Variants in CAPN13 observed in about 807,000 individuals in gnomAD.
CAPN13 encodes calpain-13.
In CAPN13, 90 loss-of-function variants were observed where a neutral mutation model predicts 98.4. The ratio of observed to expected loss-of-function variants is 0.92; its 90% CI spans 0.77 to 1.09. CAPN13 has a LOEUF of 1.09. CAPN13 is among the 50% of genes least tolerant of loss of function. The pLI, the probability that CAPN13 is intolerant of heterozygous loss-of-function variation, is 0.00. For synonymous variants in CAPN13, 330 were observed against 305.5 expected (o/e 1.08, Z -0.84); for missense variants, 887 against 841.3 (o/e 1.05, Z -0.67).
intron 2 of CAPN13, among the ~76,000 whole-genome samples, chr2:30,779,945 A>G (rs1323898673): frequency 6.6e-6 from 1 of 152,192 alleles, no homozygotes; most frequent in Non-Finnish European, 1.5e-5. Context: ...TTTGGCAAAT[A>G]TGGTAGAGAA....
intron 9 of CAPN13, 134 bp from the exon 10 acceptor site, chr2:30,753,332 A>C: frequency 1.1e-6 from 1 of 888,320 alleles, no homozygotes; most frequent in Non-Finnish European, 1.7e-6. Flanking sequence ...ACCATCAAGC[A>C]CCCTTCTATC....
chr2:30,743,869 G>C, intron 12 of CAPN13: 1 of 537,318 alleles, frequency 1.9e-6, no homozygotes, highest in Non-Finnish European at 3.5e-6. Flanking sequence ...TGCTTATATA[G>C]AGAGAAAACT....
chr2:30,732,662 C>A (rs2276567), intron 19 of CAPN13, 96 bp from the exon 20 acceptor site: 1,206,816 of 1,479,562 alleles, frequency 0.82, 493,870 homozygotes, highest in African/African-American at 0.93. Context: ...AGGGCCCGGC[C>A]ACCTCCCACC....
At chr2:30,750,350 C>A (rs1348737895) in intron 11 of CAPN13, among the ~76,000 whole-genome samples, 1 of 152,052 alleles carries the variant, frequency 6.6e-6, no homozygotes, top group South Asian at 2.1e-4. Context: ...AAGATGACTA[C>A]TGGGTACTGA....
chr2:30,740,102 T>G lies in CAPN13; in HGVS notation c.1537-1645A>C, dbSNP rs934874267. Among the ~76,000 whole-genome samples the G allele has an allele frequency of 1.4e-4, 21 of 148,986 alleles. No individual in the cohort carries two copies. The East Asian group carries it at 1.8e-3, about 13-fold the overall frequency. ...ATTAGGTTTTTTTTTTTTTTTTTTTTTTTTTTTTTTGAGATGGAGTCTTGC... is the reference window on the plus strand; with the variant it reads ...ATTAGGTTTTTTTTTTTTTTTTTTTGTTTTTTTTTTGAGATGGAGTCTTGC... On this transcript the variant is annotated intron_variant, in intron 15 of 22. Coordinates refer to ENST00000295055, the MANE Select transcript of CAPN13 (RefSeq NM_144575.3).
intron 8 of CAPN13, among the ~76,000 whole-genome samples, chr2:30,756,074 A>G (rs965944881): frequency 2.0e-5 from 3 of 152,086 alleles, no homozygotes; most frequent in African/African-American, 4.8e-5. Flanking sequence ...CAGCCAAGGT[A>G]CAATACGAGA....
chr2:30,772,835 T>C (rs1392420101), intron 4 of CAPN13, among the ~76,000 whole-genome samples: 1 of 152,166 alleles, frequency 6.6e-6, no homozygotes, highest in East Asian at 1.9e-4. Context: ...TTTTTTTTTT[T>C]TTGAGACGGA....
chr2:30,739,309 G>T (rs1671537348), intron 15 of CAPN13, among the ~76,000 whole-genome samples: 1 of 152,110 alleles, frequency 6.6e-6, no homozygotes, highest in South Asian at 2.1e-4. Flanking sequence ...TCAGCAGGTG[G>T]TCCTGTAGAG....
chr2:30,792,723 A>C (rs867478849), intron 1 of CAPN13, among the ~76,000 whole-genome samples: 2 of 151,984 alleles, frequency 1.3e-5, no homozygotes, highest in African/African-American at 4.8e-5. Flanking sequence ...GCTCAGCAAA[A>C]TACTAAAAAC....
At chr2:30,748,638 T>G (rs567516788) in intron 11 of CAPN13, among the ~76,000 whole-genome samples, 3 of 152,022 alleles carry the variant, frequency 2.0e-5, no homozygotes, top group African/African-American at 7.2e-5. Context: ...AAGGGCTTGG[T>G]TGAGGGGATA....
intron 1 of CAPN13, among the ~76,000 whole-genome samples, chr2:30,789,409 G>T (rs1674492384): frequency 6.6e-6 from 1 of 152,184 alleles, no homozygotes; most frequent in South Asian, 2.1e-4. Context: ...CCAAATTGTA[G>T]TTACCCTTAA....
At chr2:30,728,789 G>A (rs1266293473) in intron 22 of CAPN13, among the ~76,000 whole-genome samples, 1 of 152,176 alleles carries the variant, frequency 6.6e-6, no homozygotes, top group Non-Finnish European at 1.5e-5. Flanking sequence ...TGAGGGATAT[G>A]AGTAGATATA....
intron 2 of CAPN13, among the ~76,000 whole-genome samples, chr2:30,782,111 G>C (rs916406816): frequency 9.9e-5 from 15 of 152,214 alleles, no homozygotes; most frequent in Middle Eastern, 6.8e-3. Flanking sequence ...TAGAAAATAC[G>C]CTCTCTGATG....
At chr2:30,752,591 G>A (rs1217134410) in intron 10 of CAPN13, among the ~76,000 whole-genome samples, 1 of 152,184 alleles carries the variant, frequency 6.6e-6, no homozygotes, top group African/African-American at 2.4e-5. Context: ...GGACAGACAA[G>A]TATGACTATT....
intron 1 of CAPN13, among the ~76,000 whole-genome samples, chr2:30,796,578 A>G (rs1260190093): frequency 6.6e-6 from 1 of 152,126 alleles, no homozygotes; most frequent in Non-Finnish European, 1.5e-5. Context: ...ATCATTTTTA[A>G]TAGTGGAAAT....
intron 2 of CAPN13, among the ~76,000 whole-genome samples, chr2:30,780,564 T>C (rs1673934895): frequency 7.7e-6 from 1 of 129,640 alleles, no homozygotes; most frequent in South Asian, 3.1e-4. Flanking sequence ...AAAACAAAAA[T>C]TTTAGCTAAT....
At chr2:30,725,090 A>G (rs1018858359) in intron 22 of CAPN13, among the ~76,000 whole-genome samples, 1 of 152,146 alleles carries the variant, frequency 6.6e-6, no homozygotes, top group African/African-American at 2.4e-5. Context: ...ACATGGATGT[A>G]GATGACATTA....
chr2:30,764,389 T>C, intron 5 of CAPN13, 83 bp from the exon 6 acceptor site: 1 of 1,468,402 alleles, frequency 6.8e-7, no homozygotes, highest in Non-Finnish European at 9.3e-7. Flanking sequence ...ATCCTCTGCC[T>C]ATTTCCCAGG....
At chr2:30,801,779 G>T (rs2148116669) in intron 1 of CAPN13, among the ~76,000 whole-genome samples, 1 of 152,194 alleles carries the variant, frequency 6.6e-6, no homozygotes, top group South Asian at 2.1e-4. Context: ...GAAGAGAGTG[G>T]GAGGAATGAG....
Sources: gnomAD v4.1 joint callset for allele counts (sites outside exome capture counted in the v4.1 genomes callset) on GRCh38, gnomAD v4.1.1 for gene constraint, MANE v1.5 for transcripts, NCBI Gene and HGNC (gene_info 2026-07-23, HGNC 2026-07-21) for gene names.